VPS13B: variants seen among roughly 807,000 people sequenced by gnomAD.
The protein encoded by VPS13B is vacuolar protein sorting 13 homolog B, also known as intermembrane lipid transfer protein VPS13B.
In VPS13B, 285 loss-of-function variants were observed where a neutral mutation model predicts 426.4. The ratio of observed to expected loss-of-function variants is 0.67; its 90% CI spans 0.61 to 0.74. VPS13B has a LOEUF of 0.74. VPS13B is among the 30% of genes least tolerant of loss of function. VPS13B has a pLI of 0.00. For synonymous variants in VPS13B, 1,676 were observed against 1,676.4 expected, an observed-to-expected ratio of 1.00 and a Z score of 0.01; for missense variants, 4,537 against 4,782.6, an observed-to-expected ratio of 0.95 and a Z score of 1.51.
intron 33 of VPS13B, among the ~76,000 whole-genome samples, chr8:99,636,295 C>T (rs1294055002): frequency 6.6e-6 from 1 of 151,876 alleles, no homozygotes; most frequent in African/African-American, 2.4e-5. Flanking sequence ...CAGATTTTAT[C>T]TAAAAGTATA....
At position 99,875,373 on chromosome 8, in the gene VPS13B, CTCG is replaced by C. The variant is rs763518619; in HGVS notation, c.11746-43_11746-41del. 159 of 1,613,612 alleles carry C rather than the reference CTCG, an allele frequency of 9.9e-5. No homozygotes were observed. In the African/African-American group the frequency reaches 1.9e-3, roughly 19 times the overall value. On this transcript the variant is annotated intron_variant, in intron 61 of 61. Coordinates refer to ENST00000357162, the MANE Select transcript of VPS13B (RefSeq NM_152564.5). ...AAAGAACTAATTTTGTTCTGGAACTCTCGTAAGGGTCTGGCAACTAATCTTTAT... is the reference window on the plus strand; with the variant it reads ...AAAGAACTAATTTTGTTCTGGAACTCTAAGGGTCTGGCAACTAATCTTTAT...
chr8:99,092,774 G>C (rs772000946), intron 3 of VPS13B, among the ~76,000 whole-genome samples: 8 of 151,848 alleles, frequency 5.3e-5, no homozygotes, highest in Non-Finnish European at 8.8e-5. Context: ...GTAATGTTTG[G>C]TTTATAGTAT....
Position 99,875,444 on chromosome 8 carries a change from A to T in VPS13B, c.11772A>T (p.Ser3924=). The T allele has an allele frequency of 6.2e-7, 1 of 1,614,212 alleles. No homozygotes were observed. Among genetic ancestry groups the T allele is most frequent in the Non-Finnish European group, 8.5e-7 (1 of 1,180,014 alleles). Residue 3924 remains serine (S), a synonymous_variant, in exon 62 of 62, where the codon TCA becomes TCT. Coordinates refer to ENST00000357162, the MANE Select transcript of VPS13B (RefSeq NM_152564.5). ...TAGATGGAGTCCGAGAGAGACTGTCAGAGCAACAGTACAACAGACTGGTGG... is the reference window on the plus strand; with the variant it reads ...TAGATGGAGTCCGAGAGAGACTGTCTGAGCAACAGTACAACAGACTGGTGG... ...VEVDGVRERL[S]EQQYNRLVDY... is the part of the protein sequence containing the mutation.
chr8:99,875,714 T>A lies in VPS13B; in HGVS notation c.*48T>A. 6.2e-7 allele frequency: 1 copy of A among 1,613,240 alleles called. No individual in the cohort carries two copies. The highest frequency in any genetic ancestry group is 8.5e-7 in the Non-Finnish European group (1 of 1,179,616). On this transcript the variant is annotated 3_prime_UTR_variant, in exon 62 of 62. Transcript: ENST00000357162. ...CTGCTTGTGTGATTTAGTTTTTGGG[T>A]TTCTTTGAGACAGGGTCTCACTGCA...
At chr8:99,485,586 G>T (rs1396014597) in intron 25 of VPS13B, among the ~76,000 whole-genome samples, 1 of 152,044 alleles carries the variant, frequency 6.6e-6, no homozygotes, top group East Asian at 1.9e-4. Flanking sequence ...CATATGCAAT[G>T]ATATGAAAAA....
At chr8:99,404,241 C>T (rs1301802373) in intron 21 of VPS13B, among the ~76,000 whole-genome samples, 1 of 152,130 alleles carries the variant, frequency 6.6e-6, no homozygotes, top group African/African-American at 2.4e-5. Flanking sequence ...ATATAGAGTT[C>T]TTTGGAAATA....
intron 33 of VPS13B, among the ~76,000 whole-genome samples, chr8:99,600,412 G>A (rs1827230539): frequency 6.6e-6 from 1 of 152,150 alleles, no homozygotes; most frequent in Non-Finnish European, 1.5e-5. Context: ...CGGTATGGAT[G>A]TGGGTGTTCT....
At chr8:99,577,355 C>T in intron 32 of VPS13B, 135 bp from the exon 33 acceptor site, 5 of 1,172,310 alleles carry the variant, frequency 4.3e-6, no homozygotes, top group Middle Eastern at 2.2e-4. Context: ...ACCATTTTTG[C>T]TCTTCTCCTT....
chr8:99,141,332 A>AT (rs1344930404), intron 12 of VPS13B, among the ~76,000 whole-genome samples: 1 of 152,222 alleles, frequency 6.6e-6, no homozygotes, highest in Non-Finnish European at 1.5e-5. Context: ...GGCCTGTATT[A>AT]TTTTAGAGAC....
chr8:99,028,713 G>GA (rs1842306278), intron 2 of VPS13B, among the ~76,000 whole-genome samples: 1 of 106,118 alleles, frequency 9.4e-6, no homozygotes, highest in Non-Finnish European at 2.0e-5. Context: ...CTGGCCGGGT[G>GA]GGGGGCTGAC....
chr8:99,530,337 G>A (rs1822864940), intron 30 of VPS13B, among the ~76,000 whole-genome samples: 1 of 152,086 alleles, frequency 6.6e-6, no homozygotes, highest in African/African-American at 2.4e-5. Flanking sequence ...GCAGTAGGCT[G>A]AGTGCGGTGG....
chr8:99,497,087 A>C (rs2133596970), intron 25 of VPS13B, among the ~76,000 whole-genome samples: 1 of 143,804 alleles, frequency 7.0e-6, no homozygotes, highest in South Asian at 2.1e-4. Context: ...AATATATATA[A>C]ATATATATAT....
intron 24 of VPS13B, among the ~76,000 whole-genome samples, chr8:99,478,849 A>T (rs981861516): frequency 1.3e-5 from 2 of 149,698 alleles, no homozygotes; most frequent in Admixed American, 6.7e-5. Flanking sequence ...AAAAAAAAAC[A>T]AGTTTCTGAA....
intron 5 of VPS13B, among the ~76,000 whole-genome samples, chr8:99,106,642 C>T (rs1029216993): frequency 2.0e-5 from 3 of 152,116 alleles, no homozygotes; most frequent in African/African-American, 7.2e-5. Flanking sequence ...TGACATCTGA[C>T]ACCATAGTAG....
At chr8:99,708,149 A>G (rs1048440431) in intron 36 of VPS13B, among the ~76,000 whole-genome samples, 3 of 152,112 alleles carry the variant, frequency 2.0e-5, no homozygotes, top group African/African-American at 7.2e-5. Context: ...ACTTTCCAGT[A>G]TGCACAGTCA....
At chr8:99,592,488 CA>C (rs746383163) in intron 33 of VPS13B, among the ~76,000 whole-genome samples, 2 of 152,020 alleles carry the variant, frequency 1.3e-5, no homozygotes, top group Admixed American at 1.3e-4. Context: ...TGGCGACCTA[CA>C]GATGGGGTTT....
intron 3 of VPS13B, among the ~76,000 whole-genome samples, chr8:99,062,554 C>G (rs527597675): frequency 6.6e-6 from 1 of 152,158 alleles, no homozygotes; most frequent in Non-Finnish European, 1.5e-5. Flanking sequence ...CTGCAACCTC[C>G]GCCTCCCAGG....
At chr8:99,050,742 G>A (rs1843497236) in intron 3 of VPS13B, among the ~76,000 whole-genome samples, 1 of 152,184 alleles carries the variant, frequency 6.6e-6, no homozygotes, top group Non-Finnish European at 1.5e-5. Flanking sequence ...GGTGTGAGAT[G>A]GTATCTCACT....
intron 24 of VPS13B, 65 bp downstream of exon 24, chr8:99,467,699 T>A: frequency 6.5e-7 from 1 of 1,527,870 alleles, no homozygotes; most frequent in Non-Finnish European, 9.0e-7. Flanking sequence ...TTGTTATCCA[T>A]TTTGTTGAAG....
Sources: gnomAD v4.1 joint callset for allele counts (sites outside exome capture counted in the v4.1 genomes callset) on GRCh38, gnomAD v4.1.1 for gene constraint, MANE v1.5 for transcripts, NCBI Gene and HGNC (gene_info 2026-07-23, HGNC 2026-07-21) for gene names.